LDB2: variants seen among roughly 807,000 people sequenced by gnomAD.
The protein encoded by LDB2 is LIM domain-binding protein 2.
A neutral mutation model predicts 44.3 loss-of-function variants in LDB2; 12 were observed. The ratio of observed to expected loss-of-function variants is 0.27; its 90% CI spans 0.17 to 0.44. LDB2 has a LOEUF of 0.44. Ranked by LOEUF, LDB2 falls within the 20% of genes least tolerant of loss-of-function variation. The pLI is 1.00. For missense variants in LDB2, 344 were observed against 473.5 expected, an observed-to-expected ratio of 0.73 and a Z score of 2.54; for synonymous variants, 164 against 174.8, an observed-to-expected ratio of 0.94 and a Z score of 0.49.
chr4:16,863,282 T>C (rs115058391), intron 1 of LDB2, among the ~76,000 whole-genome samples: 187 of 152,338 alleles, frequency 1.2e-3, no homozygotes, highest in African/African-American at 4.3e-3. Context: ...TTTTCTGCAA[T>C]ATCACCTCCC....
chr4:16,505,946 C>T (rs936514457), intron 7 of LDB2: 2 of 1,551,688 alleles, frequency 1.3e-6, no homozygotes, highest in South Asian at 1.2e-5. Context: ...CCATCCCTCC[C>T]AGGGTTGAGG....
intron 1 of LDB2, among the ~76,000 whole-genome samples, chr4:16,789,787 C>G (rs1413201921): frequency 6.6e-6 from 1 of 152,102 alleles, no homozygotes; most frequent in Non-Finnish European, 1.5e-5. Context: ...AAAAAATTAG[C>G]TGGGTGTGAT....
chr4:16,506,092 C>T, intron 7 of LDB2: 1 of 1,236,414 alleles, frequency 8.1e-7, no homozygotes, highest in Non-Finnish European at 1.1e-6. Flanking sequence ...CATAGTGGCA[C>T]ATGCCTTTGG....
chr4:16,631,050 C>T (rs1316484926), intron 2 of LDB2, among the ~76,000 whole-genome samples: 1 of 152,146 alleles, frequency 6.6e-6, no homozygotes, highest in African/African-American at 2.4e-5. Flanking sequence ...ACAAGGATAT[C>T]CAGGACTTGA....
chr4:16,660,015 G>A (rs1741105550), intron 2 of LDB2, among the ~76,000 whole-genome samples: 2 of 152,144 alleles, frequency 1.3e-5, no homozygotes, highest in Admixed American at 1.3e-4. Context: ...TTGCTCCGCA[G>A]GGTACAGTTA....
At chr4:16,887,767 A>C (rs1228548704) in intron 1 of LDB2, among the ~76,000 whole-genome samples, 1 of 152,156 alleles carries the variant, frequency 6.6e-6, no homozygotes, top group Non-Finnish European at 1.5e-5. Context: ...AAAGTTGATA[A>C]AAATTATTAT....
intron 5 of LDB2, among the ~76,000 whole-genome samples, chr4:16,520,946 AC>A (rs1468377653): frequency 6.6e-6 from 1 of 151,728 alleles, no homozygotes; most frequent in Non-Finnish European, 1.5e-5. Context: ...CTGCCTGGGC[AC>A]CCCCTTCCAC....
intron 3 of LDB2, among the ~76,000 whole-genome samples, chr4:16,592,354 C>G (rs967950327): frequency 1.3e-5 from 2 of 151,478 alleles, no homozygotes; most frequent in Non-Finnish European, 2.9e-5. Context: ...AGTTTGTATG[C>G]TTGGAACAGC....
At chr4:16,532,066 A>G (rs906478863) in intron 5 of LDB2, among the ~76,000 whole-genome samples, 1 of 141,374 alleles carries the variant, frequency 7.1e-6, no homozygotes, top group Non-Finnish European at 1.5e-5. Flanking sequence ...GAGATTATGC[A>G]TAGCTAGGAT....
intron 5 of LDB2, among the ~76,000 whole-genome samples, chr4:16,546,658 G>A (rs1735878576): frequency 6.6e-6 from 1 of 152,042 alleles, no homozygotes; most frequent in South Asian, 2.1e-4. Flanking sequence ...CACTGCCAAG[G>A]TGAAAAAATG....
chr4:16,838,872 T>C (rs1490846594), intron 1 of LDB2, among the ~76,000 whole-genome samples: 4 of 152,244 alleles, frequency 2.6e-5, no homozygotes, highest in Non-Finnish European at 5.9e-5. Context: ...CATAGTCATA[T>C]CAGTGACTTA....
At chr4:16,812,602 ATATATAT>A (rs1359274462) in intron 1 of LDB2, among the ~76,000 whole-genome samples, 2 of 126,428 alleles carry the variant, frequency 1.6e-5, no homozygotes, top group East Asian at 6.5e-4. Flanking sequence ...ATATATATAT[ATATATAT>A]ATATATCTGT....
intron 2 of LDB2, among the ~76,000 whole-genome samples, chr4:16,755,483 G>A (rs1324381495): frequency 2.5e-5 from 2 of 79,174 alleles, no homozygotes; most frequent in South Asian, 1.2e-3. Flanking sequence ...GTGTGTGTGT[G>A]TGTGTGTGTG....
chr4:16,833,005 G>A (rs1010555185), intron 1 of LDB2, among the ~76,000 whole-genome samples: 7 of 152,144 alleles, frequency 4.6e-5, no homozygotes, highest in Admixed American at 2.0e-4. Flanking sequence ...TACTCATAAG[G>A]AAACAAACAG....
chr4:16,605,693 C>T (rs1723735435), intron 2 of LDB2, among the ~76,000 whole-genome samples: 1 of 152,212 alleles, frequency 6.6e-6, no homozygotes, highest in Non-Finnish European at 1.5e-5. Context: ...GGAAATCCCA[C>T]TTCCAGACAG....
At chr4:16,561,492 C>T (rs891249757) in intron 5 of LDB2, among the ~76,000 whole-genome samples, 1 of 152,132 alleles carries the variant, frequency 6.6e-6, no homozygotes, top group Non-Finnish European at 1.5e-5. Flanking sequence ...AATAAAATAC[C>T]TAGGAATCCA....
intron 1 of LDB2, among the ~76,000 whole-genome samples, chr4:16,835,415 A>G (rs1162214781): frequency 6.6e-6 from 1 of 152,178 alleles, no homozygotes; most frequent in Non-Finnish European, 1.5e-5. Context: ...TTGTGTAACA[A>G]TATTTTTGCA....
intron 1 of LDB2, among the ~76,000 whole-genome samples, chr4:16,764,312 T>C (rs1433339713): frequency 6.6e-6 from 1 of 152,126 alleles, no homozygotes; most frequent in Non-Finnish European, 1.5e-5. Context: ...CTTGCTTCCA[T>C]TCTGTTGTCT....
intron 2 of LDB2, among the ~76,000 whole-genome samples, chr4:16,631,225 A>G (rs1731856813): frequency 6.6e-6 from 1 of 152,234 alleles, no homozygotes. Context: ...AGAAATCACA[A>G]CAAACTGTCT....
Sources: gnomAD v4.1 joint callset for allele counts (sites outside exome capture counted in the v4.1 genomes callset) on GRCh38, gnomAD v4.1.1 for gene constraint, MANE v1.5 for transcripts, NCBI Gene and HGNC (gene_info 2026-07-23, HGNC 2026-07-21) for gene names.